TSPAN7: variants seen among roughly 807,000 people sequenced by gnomAD.
TSPAN7 encodes the protein tetraspanin 7, also known as tetraspanin-7.
TSPAN7 carries 1 observed loss-of-function variant against 17.6 expected under a neutral mutation model. The ratio of observed to expected loss-of-function variants is 0.06; its 90% CI spans 0.02 to 0.27. TSPAN7 has a LOEUF of 0.27. Among genes scored for constraint, TSPAN7 ranks in the 10% least tolerant of loss-of-function variants. The pLI is 1.00. For missense variants in TSPAN7, 112 were observed against 201.7 expected (o/e 0.56, Z 2.69); for synonymous variants, 78 against 79.0 (o/e 0.99, Z 0.07).
intron 1 of TSPAN7, among the ~76,000 whole-genome samples, chrX:38,610,378 C>T (rs1602098183): frequency 8.9e-6 from 1 of 112,201 alleles, no homozygotes; most frequent in African/African-American, 3.2e-5. Flanking sequence ...CATATGTAAA[C>T]ATACACACTG....
chrX:38,677,125 T>C (rs2069859211), intron 5 of TSPAN7, among the ~76,000 whole-genome samples: 1 of 111,814 alleles, frequency 8.9e-6, no homozygotes, highest in South Asian at 3.8e-4. Flanking sequence ...GATCCAGAAG[T>C]CAGGAGCACA....
chrX:38,636,692 G>A (rs1378953215), intron 1 of TSPAN7, among the ~76,000 whole-genome samples: 1 of 108,815 alleles, frequency 9.2e-6, no homozygotes, highest in African/African-American at 3.4e-5. Context: ...TTTTTTTTTA[G>A]TCAGACAGAG....
At chrX:38,672,201 T>C (rs1183972300) in intron 3 of TSPAN7, among the ~76,000 whole-genome samples, 1 of 110,625 alleles carries the variant, frequency 9.0e-6, no homozygotes, top group African/African-American at 3.3e-5. Context: ...AAGCCAGAAG[T>C]AGATACACAT....
At position 38,635,012 on chromosome X, in the gene TSPAN7, C is replaced by T. The variant is rs1225384498; in HGVS notation, c.82-31109C>T. On this transcript the variant is annotated intron_variant, in intron 1 of 7. Coordinates refer to ENST00000378482, the MANE Select transcript of TSPAN7 (RefSeq NM_004615.4). ...GGGGAGAAGGATGTGGCCCCTGGGT[C>T]GGGGTGGGAGAACAAGCATAGCCCT... 2.7e-5 allele frequency among the ~76,000 whole-genome samples: 3 copies of T among 110,730 alleles called. 1 individual carries two copies. Among genetic ancestry groups the T allele is most frequent in the East Asian group, 2.9e-4 (1 of 3,483 alleles).
chrX:38,636,347 C>T (rs2069579654), intron 1 of TSPAN7, among the ~76,000 whole-genome samples: 3 of 112,211 alleles, frequency 2.7e-5, no homozygotes, highest in Admixed American at 1.9e-4. Flanking sequence ...ATTCTCTTCT[C>T]GTAGAGAAAC....
At chrX:38,603,634 G>T (rs1480604490) in intron 1 of TSPAN7, among the ~76,000 whole-genome samples, 2 of 111,014 alleles carry the variant, frequency 1.8e-5, no homozygotes, top group African/African-American at 3.3e-5. Flanking sequence ...AGTCACAAAA[G>T]ATCACATATT....
chrX:38,624,089 AG>A (rs1437506181), intron 1 of TSPAN7, among the ~76,000 whole-genome samples: 1 of 110,284 alleles, frequency 9.1e-6, no homozygotes, highest in Non-Finnish European at 1.9e-5. Context: ...AGAGCTTTTG[AG>A]TGTTTTTTTG....
chrX:38,680,681 T>C (rs965242469), intron 5 of TSPAN7, among the ~76,000 whole-genome samples: 1 of 109,887 alleles, frequency 9.1e-6, no homozygotes, highest in Non-Finnish European at 1.9e-5. Context: ...TGGCAGATAT[T>C]CAAACACTTC....
chrX:38,687,512 T>A, intron 6 of TSPAN7, 87 bp from the exon 7 acceptor site: 1 of 883,064 alleles, frequency 1.1e-6, no homozygotes, highest in Non-Finnish European at 1.6e-6. Flanking sequence ...ACATACCCCA[T>A]AAATATATAA....
chrX:38,593,710 C>G (rs1311029811), intron 1 of TSPAN7, among the ~76,000 whole-genome samples: 1 of 112,128 alleles, frequency 8.9e-6, no homozygotes, highest in Non-Finnish European at 1.9e-5. Flanking sequence ...TTGGCTCTCT[C>G]TTGCCTTCTC....
intron 1 of TSPAN7, among the ~76,000 whole-genome samples, chrX:38,579,294 G>T (rs911503103): frequency 9.0e-6 from 1 of 110,514 alleles, no homozygotes; most frequent in Non-Finnish European, 1.9e-5. Context: ...TTAAATTAAT[G>T]CAAGGCCGGG....
At chrX:38,594,436 T>C (rs2069308155) in intron 1 of TSPAN7, among the ~76,000 whole-genome samples, 1 of 111,665 alleles carries the variant, frequency 9.0e-6, no homozygotes, top group South Asian at 3.7e-4. Context: ...ATGACAATGC[T>C]TCTCAGAGTC....
At chrX:38,676,231 G>A (rs1314900044) in intron 5 of TSPAN7, among the ~76,000 whole-genome samples, 1 of 111,267 alleles carries the variant, frequency 9.0e-6, no homozygotes, top group African/African-American at 3.3e-5. Flanking sequence ...GCAGCTGGGT[G>A]TCAGTTTTTG....
chrX:38,686,720 G>C (rs2069929572), intron 6 of TSPAN7, among the ~76,000 whole-genome samples: 1 of 112,152 alleles, frequency 8.9e-6, no homozygotes, highest in Non-Finnish European at 1.9e-5. Flanking sequence ...TGATCCTCCA[G>C]ATTCATGAAT....
chrX:38,566,036 A>G (rs1246161972), intron 1 of TSPAN7, among the ~76,000 whole-genome samples: 2 of 112,114 alleles, frequency 1.8e-5, no homozygotes, highest in Non-Finnish European at 3.8e-5. Context: ...GCACTACTGG[A>G]CTTACATAGC....
chrX:38,672,029 G>A (rs1236069047), intron 3 of TSPAN7, among the ~76,000 whole-genome samples: 1 of 111,316 alleles, frequency 9.0e-6, no homozygotes, highest in Non-Finnish European at 1.9e-5. Flanking sequence ...GCCTGGGCAA[G>A]AGAGTGAGAT....
rs370854248 is a variant in TSPAN7, at chrX:38,666,208, A to G, written c.169A>G (p.Asn57Asp). The change falls in exon 2 of 8, where the codon AAT becomes GAT. Residue 57 changes from asparagine (N) to aspartate (D), a missense_variant. By Grantham distance (23) the Asn-to-Asp change is conservative (BLOSUM62 1). Coordinates refer to ENST00000378482, the MANE Select transcript of TSPAN7 (RefSeq NM_004615.4). ...YISLIAENSTNAPYVLIGTGT... is the reference protein window; with the variant it reads ...YISLIAENSTDAPYVLIGTGT... ...CTCCCTTATTGCCGAGAACTCCACA[A>G]ATGCTCCCTATGTGCTCATCGGAAC... is the stretch of plus-strand genomic sequence containing the variant. 3 of 1,209,093 alleles carry G rather than the reference A, an allele frequency of 2.5e-6. No individual in the cohort carries two copies. The African/African-American group carries it at 5.3e-5, about 21-fold the overall frequency.
intron 4 of TSPAN7, among the ~76,000 whole-genome samples, chrX:38,674,599 A>G (rs2069841426): frequency 8.9e-6 from 1 of 111,732 alleles, no homozygotes; most frequent in Non-Finnish European, 1.9e-5. Flanking sequence ...CTTGTGAAGG[A>G]GTTAGGCAGT....
At chrX:38,685,162 A>G (rs1053268374) in intron 6 of TSPAN7, among the ~76,000 whole-genome samples, 1 of 111,527 alleles carries the variant, frequency 9.0e-6, no homozygotes, top group African/African-American at 3.3e-5. Flanking sequence ...TTTTCTATGT[A>G]GAGGGCAGGA....
Sources: gnomAD v4.1 joint callset for allele counts (sites outside exome capture counted in the v4.1 genomes callset) on GRCh38, gnomAD v4.1.1 for gene constraint, MANE v1.5 for transcripts, NCBI Gene and HGNC (gene_info 2026-07-23, HGNC 2026-07-21) for gene names.